Variants in ATP9B observed in about 807,000 individuals in gnomAD.
The protein encoded by ATP9B is probable phospholipid-transporting ATPase IIB.
A neutral mutation model predicts 146.1 loss-of-function variants in ATP9B; 110 were observed. The observed-to-expected ratio is 0.75, with a 90% CI of 0.65 to 0.88. ATP9B has a LOEUF of 0.88. Among genes scored for constraint, ATP9B ranks in the 40% least tolerant of loss-of-function variants. The probability of loss-of-function intolerance (pLI) is 0.00; values close to 1 mark genes in which losing one functional copy is unlikely to be tolerated. For missense variants in ATP9B, 1,499 were observed against 1,496.4 expected, an observed-to-expected ratio of 1.00 and a Z score of -0.03; for synonymous variants, 604 against 569.7, an observed-to-expected ratio of 1.06 and a Z score of -0.86.
At chr18:79,164,675 C>T (rs559120905) in intron 7 of ATP9B, among the ~76,000 whole-genome samples, 55 of 152,136 alleles carry the variant, frequency 3.6e-4, no homozygotes, top group Non-Finnish European at 2.6e-4. Flanking sequence ...GCTGAGATCG[C>T]GCCACTGCAC....
rs1298270711 is a variant in ATP9B, at chr18:79,345,594, C to T, written c.2617+22C>T. 3.1e-6 allele frequency: 5 copies of T among 1,602,488 alleles called. No homozygotes were observed. In the Admixed American group the frequency reaches 8.3e-5, roughly 27 times the overall value. On this transcript the variant is annotated intron_variant, in intron 22 of 29. Transcript: ENST00000426216. The stretch of plus-strand genomic sequence containing the variant: ...ATCGGTGAGAGCCGCCCACCCTGCT[C>T]ACAGGGAGGTCTCCAGAGAAACCCG...
intron 14 of ATP9B, among the ~76,000 whole-genome samples, 200 bp from the exon 15 acceptor site, chr18:79,306,786 G>C (rs1052822832): frequency 1.3e-5 from 2 of 152,106 alleles, no homozygotes; most frequent in Non-Finnish European, 2.9e-5. Flanking sequence ...TGACAACCTG[G>C]ATATATCGAA....
chr18:79,123,712 A>G (rs2094229798), intron 4 of ATP9B, among the ~76,000 whole-genome samples: 1 of 152,228 alleles, frequency 6.6e-6, no homozygotes, highest in Non-Finnish European at 1.5e-5. Flanking sequence ...TGGTACTGAC[A>G]TAAAGATAGG....
chr18:79,147,408 A>G (rs1262700091), intron 6 of ATP9B, among the ~76,000 whole-genome samples: 2 of 152,224 alleles, frequency 1.3e-5, no homozygotes, highest in African/African-American at 4.8e-5. Flanking sequence ...TCAAGTGTCT[A>G]TAGAACATTC....
intron 13 of ATP9B, among the ~76,000 whole-genome samples, chr18:79,293,532 C>T (rs527359560): frequency 6.6e-6 from 1 of 152,166 alleles, no homozygotes; most frequent in Non-Finnish European, 1.5e-5. Context: ...CATGGGGCGG[C>T]CTGCAGTGCC....
rs2096944914 is a variant in ATP9B, at chr18:79,355,342, A to G, written c.2904-4012A>G. On this transcript the variant is annotated intron_variant, in intron 25 of 29. Coordinates refer to ENST00000426216, the MANE Select transcript of ATP9B (RefSeq NM_198531.5). ...GAGATGCTAGAATTCTCTGACAAAG[A>G]CTGGGAAACAGTCATTACCAACATA... Among the ~76,000 whole-genome samples, 3 of 152,224 alleles carry G rather than the reference A, an allele frequency of 2.0e-5. 1 individual carries two copies. The South Asian group carries it at 6.2e-4, about 32-fold the overall frequency.
At chr18:79,217,470 C>T (rs2095638575) in intron 11 of ATP9B, among the ~76,000 whole-genome samples, 1 of 152,250 alleles carries the variant, frequency 6.6e-6, no homozygotes, top group South Asian at 2.1e-4. Context: ...AGGCGTGAGC[C>T]ACTGCGCCCC....
chr18:79,367,943 A>G (rs1282511610), intron 26 of ATP9B, among the ~76,000 whole-genome samples: 4 of 152,250 alleles, frequency 2.6e-5, no homozygotes, highest in African/African-American at 9.6e-5. Context: ...CGGCCAGAGC[A>G]GCGTGGGGTC....
At chr18:79,207,590 A>G (rs1345620571) in intron 10 of ATP9B, among the ~76,000 whole-genome samples, 1 of 152,114 alleles carries the variant, frequency 6.6e-6, no homozygotes, top group Non-Finnish European at 1.5e-5. Context: ...TTTACCAGGA[A>G]TGGGTTGGTA....
At chr18:79,319,376 TG>T (rs747115429) in intron 15 of ATP9B, among the ~76,000 whole-genome samples, 15 of 151,884 alleles carry the variant, frequency 9.9e-5, no homozygotes, top group Non-Finnish European at 2.1e-4. Context: ...CTGCCTCTCC[TG>T]GCTAATGTGA....
chr18:79,345,976 GCAAA>G (rs1489091363), intron 23 of ATP9B, 137 bp downstream of exon 23: 7 of 940,058 alleles, frequency 7.4e-6, no homozygotes, highest in South Asian at 7.2e-5. Context: ...CGCTCGGTCA[GCAAA>G]CACTCAGCAC....
At chr18:79,095,030 G>C (rs573663781) in intron 1 of ATP9B, among the ~76,000 whole-genome samples, 1 of 152,228 alleles carries the variant, frequency 6.6e-6, no homozygotes, top group East Asian at 1.9e-4. Flanking sequence ...GGGTTCCTGA[G>C]ACTCCCTGTA....
chr18:79,254,296 A>G (rs1016627804), intron 12 of ATP9B: 1 of 152,228 alleles, frequency 6.6e-6, no homozygotes, highest in Non-Finnish European at 1.5e-5. Flanking sequence ...AGATATCTCT[A>G]TTTCTAAACC....
Position 79,100,018 on chromosome 18 carries a change from G to A in ATP9B, c.293+3369G>A, listed in dbSNP as rs182820805. On this transcript the variant is annotated intron_variant, in intron 2 of 29. Transcript: ENST00000426216. The stretch of plus-strand genomic sequence containing the variant: ...TGTGCACCTGTAGCCCCAGCTATGC[G>A]GGAGGCTGAGGCACAGGAGAATCAC... 4.0e-3 allele frequency among the ~76,000 whole-genome samples: 616 copies of A among 152,168 alleles called. 11 individuals carry two copies. Among genetic ancestry groups the A allele is most frequent in the Admixed American group, 0.026 (401 of 15,280 alleles).
chr18:79,266,711 T>C (rs1266025097), intron 12 of ATP9B, among the ~76,000 whole-genome samples: 1 of 152,130 alleles, frequency 6.6e-6, no homozygotes, highest in Non-Finnish European at 1.5e-5. Flanking sequence ...CATCTTTAAA[T>C]TTTTCTTCTT....
chr18:79,203,926 A>G (rs2095511602), intron 9 of ATP9B, among the ~76,000 whole-genome samples: 1 of 152,218 alleles, frequency 6.6e-6, no homozygotes, highest in South Asian at 2.1e-4. Context: ...GTTAGACTGT[A>G]ACACCATTTG....
chr18:79,143,628 G>T (rs1023184328), intron 5 of ATP9B, among the ~76,000 whole-genome samples, 174 bp from the exon 6 acceptor site: 2 of 152,116 alleles, frequency 1.3e-5, no homozygotes, highest in Non-Finnish European at 2.9e-5. Flanking sequence ...TTTGTGTTTG[G>T]CAGTTTACTA....
intron 15 of ATP9B, among the ~76,000 whole-genome samples, chr18:79,316,446 T>C (rs1358528235): frequency 2.0e-5 from 3 of 152,152 alleles, no homozygotes; most frequent in Non-Finnish European, 4.4e-5. Flanking sequence ...CTTCTTCCCA[T>C]GTCTGTCCTG....
In ATP9B at chr18:79,187,161, G is replaced by C. The variant is rs543850959; in HGVS notation, c.874-6022G>C. 2.0e-5 allele frequency among the ~76,000 whole-genome samples: 3 copies of C among 152,314 alleles called. No homozygotes were observed. In the South Asian group the frequency reaches 6.2e-4, roughly 32 times the overall value. On this transcript the variant is annotated intron_variant, in intron 8 of 29. Coordinates refer to ENST00000426216, the MANE Select transcript of ATP9B (RefSeq NM_198531.5). ...CTGAACTTCATCCTTTCACTGATTT[G>C]GGAAGCATCTTGTTCTGTGTATGAA...
Sources: gnomAD v4.1 joint callset for allele counts (sites outside exome capture counted in the v4.1 genomes callset) on GRCh38, gnomAD v4.1.1 for gene constraint, MANE v1.5 for transcripts, NCBI Gene and HGNC (gene_info 2026-07-23, HGNC 2026-07-21) for gene names.